ZNF684: variants seen among roughly 807,000 people sequenced by gnomAD.
ZNF684 encodes the protein hypothetical protein MGC27466.
ZNF684 carries 13 observed loss-of-function variants against 12.8 expected under a neutral mutation model. The observed-to-expected ratio is 1.02, with a 90% CI of 0.66 to 1.62. ZNF684 has a LOEUF of 1.62. Ranked by LOEUF, ZNF684 falls within the 40% of genes most tolerant of loss-of-function variation. The pLI is 0.00. For missense variants in ZNF684, 384 were observed against 446.9 expected, an observed-to-expected ratio of 0.86 and a Z score of 1.27; for synonymous variants, 118 against 151.8, an observed-to-expected ratio of 0.78 and a Z score of 1.64.
At position 40,533,188 on chromosome 1, in the gene ZNF684, T is replaced by C; in HGVS notation, c.15+7T>C. ...GAAAATGATCAGCTTCCAGGTAAGG[T>C]ATCCATCTATTCATCCAGTTGTTTA... On this transcript the variant is annotated splice_region_variant and intron_variant, in intron 2 of 4. Coordinates refer to ENST00000372699, the MANE Select transcript of ZNF684 (RefSeq NM_152373.4). 3 of 1,613,380 alleles carry C rather than the reference T, an allele frequency of 1.9e-6. No homozygotes were observed. Among genetic ancestry groups the C allele is most frequent in the Non-Finnish European group, 2.5e-6 (3 of 1,179,556 alleles).
At chr1:40,545,609 C>G (rs56106053) in intron 4 of ZNF684, among the ~76,000 whole-genome samples, 21 of 152,134 alleles carry the variant, frequency 1.4e-4, no homozygotes, top group African/African-American at 5.1e-4. Flanking sequence ...CCTGGGCTTA[C>G]AAGTACAGGT....
intron 4 of ZNF684, among the ~76,000 whole-genome samples, chr1:40,542,538 T>C (rs774908168): frequency 6.6e-6 from 1 of 152,194 alleles, no homozygotes; most frequent in African/African-American, 2.4e-5. Context: ...TCTTCCATCT[T>C]CTTGACTTCT....
Position 40,547,120 on chromosome 1 carries a change from C to G in ZNF684, c.797C>G (p.Thr266Arg). The G allele has an allele frequency of 2.5e-6, 4 of 1,614,188 alleles. No homozygotes were observed. Among genetic ancestry groups the G allele is most frequent in the Non-Finnish European group, 3.4e-6 (4 of 1,180,028 alleles). The change falls in exon 5 of 5, where the codon ACA (threonine) becomes AGA (arginine). Residue 266 changes from threonine to arginine, a missense_variant. By Grantham distance (71) the Thr-to-Arg change is moderately conservative (BLOSUM62 -1). Transcript: ENST00000372699. ...TTTAATCAACACGTGAAATCTCATA[C>G]ACTTGAGAAGTCATTTGAATGTAAG... is the stretch of plus-strand genomic sequence containing the variant. The part of the protein sequence containing the change: ...SSFNQHVKSH[T>R]LEKSFECKEC...
chr1:40,540,437 C>T (rs1454505928), intron 2 of ZNF684, 149 bp from the exon 3 acceptor site: 1 of 815,162 alleles, frequency 1.2e-6, no homozygotes, highest in African/African-American at 1.8e-5. Context: ...TATCACAAAG[C>T]ATATTTCCGA....
At chr1:40,546,479 G>C (rs958178015) in intron 4 of ZNF684, 83 bp from the exon 5 acceptor site, 14 of 1,315,522 alleles carry the variant, frequency 1.1e-5, no homozygotes, top group Non-Finnish European at 1.3e-5. Flanking sequence ...ATGAGATACT[G>C]TATTTGAAAT....
Position 40,546,657 on chromosome 1 carries a change from A to G in ZNF684, c.334A>G (p.Thr112Ala). 1 of 1,605,108 alleles carries G rather than the reference A, an allele frequency of 6.2e-7. No homozygotes were observed. Among genetic ancestry groups the G allele is most frequent in the Non-Finnish European group, 8.5e-7 (1 of 1,177,712 alleles). Residue 112 changes from threonine (T) to alanine (A), a missense_variant, in exon 5 of 5, where the codon ACT (threonine) becomes GCT (alanine). Coordinates refer to ENST00000372699, the MANE Select transcript of ZNF684 (RefSeq NM_152373.4). ...TTTGCTCACATTCAATAAAATTCTG[A>G]CTATGGAGAGAATCCACCATTATAA... ...SVLLTFNKIL[T>A]MERIHHYNMS...
intron 4 of ZNF684, among the ~76,000 whole-genome samples, chr1:40,543,994 CTT>C (rs745382844): frequency 1.4e-5 from 2 of 143,826 alleles, no homozygotes; most frequent in Non-Finnish European, 1.5e-5. Flanking sequence ...TTTTCTTTTT[CTT>C]TTTTTTTTTA....
chr1:40,547,017 G>A lies in ZNF684; in HGVS notation c.694G>A (p.Val232Ile), dbSNP rs751430931. The change falls in exon 5 of 5, where the codon GTC (valine) becomes ATC (isoleucine). Residue 232 changes from valine to isoleucine, a missense_variant. Physicochemically the swap from Val to Ile is conservative, Grantham distance 29 (BLOSUM62 3). Coordinates refer to ENST00000372699, the MANE Select transcript of ZNF684 (RefSeq NM_152373.4). ...GTTTATGCATAAAGCCCAACTCGTGGTCCACCAGAGACTTCACACTGGAGA... is the reference window on the plus strand; with the variant it reads ...GTTTATGCATAAAGCCCAACTCGTGATCCACCAGAGACTTCACACTGGAGA... ...KAFMHKAQLV[V>I]HQRLHTGEKP... 3.7e-6 allele frequency: 6 copies of A among 1,614,130 alleles called. No homozygotes were observed. Among genetic ancestry groups the A allele is most frequent in the Non-Finnish European group, 4.2e-6 (5 of 1,180,004 alleles).
chr1:40,535,910 A>G (rs1269173858), intron 2 of ZNF684, among the ~76,000 whole-genome samples: 1 of 152,192 alleles, frequency 6.6e-6, no homozygotes, highest in Non-Finnish European at 1.5e-5. Flanking sequence ...AAGTAAATGA[A>G]TGAGTGTGAC....
At chr1:40,540,240 T>C (rs1486982204) in intron 2 of ZNF684, among the ~76,000 whole-genome samples, 2 of 152,240 alleles carry the variant, frequency 1.3e-5, no homozygotes, top group African/African-American at 4.8e-5. Flanking sequence ...GCTTTGTTTC[T>C]TACTTTTAGC....
intron 4 of ZNF684, chr1:40,544,369 GTTGT>G (rs774232230): frequency 4.2e-5 from 18 of 426,568 alleles, no homozygotes; most frequent in South Asian, 1.8e-4. Context: ...TTTTCTTGTT[GTTGT>G]TTGTTTGTCT....
Position 40,540,680 on chromosome 1 carries a change from T to C in ZNF684, c.110T>C (p.Met37Thr), listed in dbSNP as rs1186035384. 3 of 1,611,684 alleles carry C rather than the reference T, an allele frequency of 1.9e-6. No homozygotes were observed. The highest frequency in any genetic ancestry group is 1.7e-6 in the Non-Finnish European group (2 of 1,178,882). ...GAGAGAACCCTGTATTGGGATGTGA[T>C]GTTGGAGAACTATAGAAACCTCATC... ...CAERTLYWDVMLENYRNLISV... is the reference protein window; with the variant it reads ...CAERTLYWDVTLENYRNLISV... The change falls in exon 3 of 5, where the codon ATG becomes ACG. Residue 37 changes from methionine (M) to threonine (T), a missense_variant. Transcript: ENST00000372699.
Position 40,541,702 on chromosome 1 carries a change from G to A in ZNF684, c.230G>A (p.Ser77Asn), listed in dbSNP as rs766218746. Residue 77 changes from serine to asparagine, a missense_variant, in exon 4 of 5, where the codon AGC becomes AAC. Physicochemically the swap from Ser to Asn is conservative, Grantham distance 46. Transcript: ENST00000372699. Reference protein sequence around the residue: ...WMVEGANPHESSPESDYPLVD... With the variant: ...WMVEGANPHENSPESDYPLVD... ...GTGGAGGGAGCGAATCCACACGAGA[G>A]CTCTCCAGGTGAGTGAGAGAAATTC... 5 of 1,612,722 alleles carry A rather than the reference G, an allele frequency of 3.1e-6. No homozygotes were observed. In the South Asian group the frequency reaches 3.3e-5, roughly 11 times the overall value.
chr1:40,548,053 C>CA lies in ZNF684; in HGVS notation c.*599dup, dbSNP rs1157654882. ...TTTCCTATGTATGTAAATACCAGAA[C>CA]AAAAAACAAGACACTAATTGAGGAG... is the stretch of plus-strand genomic sequence containing the variant. On this transcript the variant is annotated 3_prime_UTR_variant, in exon 5 of 5. Transcript: ENST00000372699. 1 of 152,086 alleles carries CA rather than the reference C, an allele frequency of 6.6e-6. No individual in the cohort carries two copies. The highest frequency in any genetic ancestry group is 2.1e-4 in the South Asian group (1 of 4,820). The allele number at this position is 152,086 out of a possible 1,614,324, so 9.4% of individuals were successfully genotyped here. A position where few individuals can be genotyped will look rare whatever the true frequency, so the allele number is the denominator to read the frequency against.
chr1:40,536,321 G>A (rs561637890), intron 2 of ZNF684, among the ~76,000 whole-genome samples: 1 of 151,184 alleles, frequency 6.6e-6, no homozygotes, highest in Non-Finnish European at 1.5e-5. Context: ...ATGAACCCGG[G>A]AGGTGGAGCT....
chr1:40,535,736 T>A (rs1006144490), intron 2 of ZNF684, among the ~76,000 whole-genome samples: 1 of 152,152 alleles, frequency 6.6e-6, no homozygotes, highest in Non-Finnish European at 1.5e-5. Context: ...AATATACCAG[T>A]TTAGAGAATT....
chr1:40,541,446 G>A lies in ZNF684; in HGVS notation c.143-169G>A, dbSNP rs1459105874. 1.8e-5 allele frequency: 9 copies of A among 494,902 alleles called. No homozygotes were observed. The East Asian group carries it at 3.1e-4, about 17-fold the overall frequency. The allele number at this position is 494,902 out of a possible 1,614,324, so 30.7% of individuals were successfully genotyped here. A position where few individuals can be genotyped will look rare whatever the true frequency, so the allele number is the denominator to read the frequency against. On this transcript the variant is annotated intron_variant, in intron 3 of 4. Transcript: ENST00000372699. ...GATCCGCCCGCCTCAGCCTTCCAAA[G>A]TGTTCGGATTACAGGCGTGAGCCAC... is the stretch of plus-strand genomic sequence containing the variant.
chr1:40,544,110 GTTTCTTTTTTTATT>G (rs1030780956), intron 4 of ZNF684, among the ~76,000 whole-genome samples: 3 of 151,196 alleles, frequency 2.0e-5, no homozygotes, highest in Non-Finnish European at 3.0e-5. Context: ...TGTGGGGGAT[GTTTCTTTTTTTATT>G]TTTCTTTTTT....
At chr1:40,534,172 A>G (rs955654983) in intron 2 of ZNF684, among the ~76,000 whole-genome samples, 1 of 151,000 alleles carries the variant, frequency 6.6e-6, no homozygotes, top group African/African-American at 2.4e-5. Context: ...GTTAATTTGG[A>G]GAGAATTCAT....
Sources: allele counts gnomAD v4.1 joint callset (sites outside exome capture counted in the v4.1 genomes callset), GRCh38; gene constraint gnomAD v4.1.1; transcripts MANE v1.5; gene names NCBI Gene and HGNC (gene_info 2026-07-23, HGNC 2026-07-21).